TMEM132B: variants seen among roughly 807,000 people sequenced by gnomAD.
The protein encoded by TMEM132B is transmembrane protein 132B.
Under a neutral mutation model 90.8 loss-of-function variants are expected in TMEM132B, and 18 were observed. The ratio of observed to expected loss-of-function variants is 0.20; its 90% CI spans 0.14 to 0.29. The LOEUF (loss-of-function observed/expected upper bound fraction) is 0.29, where lower values mean the gene tolerates loss of function less well. Ranked by LOEUF, TMEM132B falls within the 10% of genes least tolerant of loss-of-function variation. The pLI is 1.00. For missense variants in TMEM132B, 1,096 were observed against 1,326.8 expected (o/e 0.83, Z 2.70); for synonymous variants, 504 against 523.3 (o/e 0.96, Z 0.50).
At chr12:125,478,171 G>GA (rs1881937635) in intron 3 of TMEM132B, among the ~76,000 whole-genome samples, 1 of 152,220 alleles carries the variant, frequency 6.6e-6, no homozygotes, top group Admixed American at 6.5e-5. Flanking sequence ...AACCAGAGCA[G>GA]AAAAGCTGAA....
At chr12:125,424,858 G>A (rs984626122) in intron 3 of TMEM132B, among the ~76,000 whole-genome samples, 1 of 152,156 alleles carries the variant, frequency 6.6e-6, no homozygotes, top group Non-Finnish European at 1.5e-5. Context: ...GGGGAGGAGG[G>A]TGAATGAGGG....
intron 5 of TMEM132B, among the ~76,000 whole-genome samples, chr12:125,633,107 T>C (rs1845351519): frequency 6.6e-6 from 1 of 152,182 alleles, no homozygotes; most frequent in African/African-American, 2.4e-5. Flanking sequence ...TGATTTTTAT[T>C]CTTTTTTTAA....
At chr12:125,505,752 GAAGA>G (rs1424517374) in intron 3 of TMEM132B, among the ~76,000 whole-genome samples, 2 of 151,884 alleles carry the variant, frequency 1.3e-5, no homozygotes, top group African/African-American at 4.8e-5. Flanking sequence ...GGAGATGATG[GAAGA>G]AAGAGTCAGT....
chr12:125,537,448 C>A (rs1360733496), intron 4 of TMEM132B, among the ~76,000 whole-genome samples: 1 of 152,200 alleles, frequency 6.6e-6, no homozygotes, highest in Non-Finnish European at 1.5e-5. Flanking sequence ...GTTCCTGGGG[C>A]CTTCCTGGGA....
chr12:125,200,963 G>T (rs1031830134), intron 1 of TMEM132B, among the ~76,000 whole-genome samples: 1 of 152,190 alleles, frequency 6.6e-6, no homozygotes, highest in South Asian at 2.1e-4. Context: ...TAGGAGCACC[G>T]TCTAAGTTCT....
At chr12:125,293,756 C>T (rs1875601049) in intron 1 of TMEM132B, among the ~76,000 whole-genome samples, 1 of 152,184 alleles carries the variant, frequency 6.6e-6, no homozygotes, top group Non-Finnish European at 1.5e-5. Context: ...CTTATTGCAG[C>T]AGTTTTAAAA....
intron 3 of TMEM132B, among the ~76,000 whole-genome samples, chr12:125,495,020 A>G (rs139919148): frequency 0.078 from 4,763 of 60,988 alleles, 203 homozygotes; most frequent in Middle Eastern, 0.32. Context: ...TCCTCCCTGG[A>G]AGAAATGGAT....
At chr12:125,557,801 C>T (rs760476973) in intron 4 of TMEM132B, among the ~76,000 whole-genome samples, 6 of 151,972 alleles carry the variant, frequency 3.9e-5, no homozygotes, top group Non-Finnish European at 7.4e-5. Flanking sequence ...ACTGGCTGTC[C>T]GAGTGGCTAA....
At chr12:125,395,999 G>A (rs1445701797) in intron 2 of TMEM132B, among the ~76,000 whole-genome samples, 1 of 152,184 alleles carries the variant, frequency 6.6e-6, no homozygotes, top group African/African-American at 2.4e-5. Context: ...GGCTTGGTTG[G>A]GTCAAATGGT....
chr12:125,367,837 AT>A (rs1399924280), intron 2 of TMEM132B, among the ~76,000 whole-genome samples: 3 of 152,268 alleles, frequency 2.0e-5, no homozygotes, highest in African/African-American at 7.2e-5. Context: ...GATTTAGTTC[AT>A]TTATATTTAA....
intron 1 of TMEM132B, among the ~76,000 whole-genome samples, chr12:125,348,248 G>A (rs1877428137): frequency 6.6e-6 from 1 of 152,082 alleles, no homozygotes; most frequent in African/African-American, 2.4e-5. Context: ...TCAACCTATT[G>A]AATATGGATT....
Position 125,341,588 on chromosome 12 carries a change from G to C in TMEM132B, c.68-7864G>C, listed in dbSNP as rs139140901. On this transcript the variant is annotated intron_variant, in intron 1 of 8. Transcript: ENST00000682704. ...ACATGATCCAAGACTTGCCCTCAAG[G>C]GTGGCTCTCCTTACCCTGACTATTC... is the stretch of plus-strand genomic sequence containing the variant. Among the ~76,000 whole-genome samples, 40 of 152,148 alleles carry C rather than the reference G, an allele frequency of 2.6e-4. No individual in the cohort carries two copies. In the East Asian group the frequency reaches 7.7e-3, roughly 29 times the overall value.
chr12:125,383,316 CTTTCCCCTTTACTA>C (rs1217115416), intron 2 of TMEM132B, among the ~76,000 whole-genome samples: 2 of 152,192 alleles, frequency 1.3e-5, no homozygotes, highest in Non-Finnish European at 2.9e-5. Context: ...CACCCAAACT[CTTTCCCCTTTACTA>C]TTTTAATTTT....
chr12:125,230,290 C>T (rs1309866824), intron 1 of TMEM132B, among the ~76,000 whole-genome samples: 1 of 152,126 alleles, frequency 6.6e-6, no homozygotes, highest in Non-Finnish European at 1.5e-5. Context: ...CAGGTTGGCG[C>T]TGCGGGGAGG....
intron 4 of TMEM132B, among the ~76,000 whole-genome samples, chr12:125,581,565 A>G (rs1885055379): frequency 6.6e-6 from 1 of 152,164 alleles, no homozygotes; most frequent in Non-Finnish European, 1.5e-5. Context: ...TTCTGGGATC[A>G]GCGCCACCCA....
At position 125,458,143 on chromosome 12, in the gene TMEM132B, CAG is replaced by C. The variant is rs1881343265; in HGVS notation, c.1106+42467_1106+42468del. On this transcript the variant is annotated intron_variant, in intron 3 of 8. Transcript: ENST00000682704. The surrounding 1 kb of genome is among the most constrained non-coding windows in gnomAD (Gnocchi z 4.9). ...AGGTCTGGCTAGAACCAGCAGGACT[CAG>C]GGACAGAATCTGTGTGGGGGATGGA... Among the ~76,000 whole-genome samples the C allele has an allele frequency of 6.6e-6, 1 of 151,986 alleles. No homozygotes were observed. The highest frequency in any genetic ancestry group is 1.5e-5 in the Non-Finnish European group (1 of 67,986).
At chr12:125,374,429 C>T (rs1566016770) in intron 2 of TMEM132B, among the ~76,000 whole-genome samples, 3 of 141,516 alleles carry the variant, frequency 2.1e-5, no homozygotes, top group South Asian at 4.6e-4. Context: ...CACCCACAAA[C>T]ATGTTTTTTT....
intron 4 of TMEM132B, among the ~76,000 whole-genome samples, chr12:125,554,887 T>G (rs10846915): frequency 6.6e-6 from 1 of 152,114 alleles, no homozygotes. Flanking sequence ...TTCCTCTTTG[T>G]TGGCGAGTTT....
intron 1 of TMEM132B, among the ~76,000 whole-genome samples, chr12:125,307,201 T>C (rs1364218802): frequency 1.3e-5 from 2 of 152,236 alleles, no homozygotes; most frequent in Admixed American, 1.3e-4. Context: ...ATTTATTTCA[T>C]TGGTGGTCTT....
Sources: allele counts gnomAD v4.1 joint callset (sites outside exome capture counted in the v4.1 genomes callset), GRCh38; gene constraint gnomAD v4.1.1; non-coding constraint Gnocchi (gnomAD v3.1); transcripts MANE v1.5; gene names NCBI Gene and HGNC (gene_info 2026-07-23, HGNC 2026-07-21).